The following FBXL20 variants were observed in gnomAD, a reference collection of about 807,000 sequenced individuals.
FBXL20 encodes the protein F-box/LRR-repeat protein 20.
A neutral mutation model predicts 64.0 loss-of-function variants in FBXL20; 11 were observed. The ratio of observed to expected loss-of-function variants is 0.17; its 90% CI spans 0.11 to 0.28. The LOEUF is 0.28. Among genes scored for constraint, FBXL20 ranks in the 10% least tolerant of loss-of-function variants. The pLI, the probability that FBXL20 is intolerant of heterozygous loss-of-function variation, is 1.00. For synonymous variants in FBXL20, 184 were observed against 189.0 expected, an observed-to-expected ratio of 0.97 and a Z score of 0.22; for missense variants, 303 against 526.2, an observed-to-expected ratio of 0.58 and a Z score of 4.15.
rs779719134 is a variant in FBXL20, at chr17:39,282,750, T to C, written c.600A>G (p.Leu200=). 6.2e-7 allele frequency: 1 copy of C among 1,614,158 alleles called. No individual in the cohort carries two copies. Reference sequence around the variant, plus strand: ...TTACCTGCGTGCAGCCTTTTAAGAATAAGGCCTTGAGACCCCCACAGCCCC... The same window carrying C: ...TTACCTGCGTGCAGCCTTTTAAGAACAAGGCCTTGAGACCCCCACAGCCCC... The part of the protein sequence containing the change: ...LVRGCGGLKA[L]FLKGCTQLED... Residue 200 remains leucine, a synonymous_variant, in exon 8 of 15, where the codon TTA becomes TTG. Coordinates refer to ENST00000264658, the MANE Select transcript of FBXL20 (RefSeq NM_032875.3).
Position 39,265,451 on chromosome 17 carries a change from T to A in FBXL20, c.936A>T (p.Ile312=). 1 of 1,603,556 alleles carries A rather than the reference T, an allele frequency of 6.2e-7. No homozygotes were observed. Among genetic ancestry groups the A allele is most frequent in the South Asian group, 1.1e-5 (1 of 90,772 alleles). The stretch of plus-strand genomic sequence containing the variant: ...AAAGTTGGATTAATGTGCTATCTGT[T>A]ATCTGAAAGAAATAACGTATGTTGA... ...EKMDLEECVQ[I]TDSTLIQLSI... The change falls in exon 13 of 15, where the codon ATA becomes ATT. Residue 312 remains isoleucine, a splice_region_variant and synonymous_variant. Transcript: ENST00000264658.
At chr17:39,277,524 A>G (rs888595467) in intron 9 of FBXL20, among the ~76,000 whole-genome samples, 1 of 152,110 alleles carries the variant, frequency 6.6e-6, no homozygotes, top group Non-Finnish European at 1.5e-5. Flanking sequence ...TAGAAGGCTG[A>G]GGTGGGCAGA....
In FBXL20 at chr17:39,298,982, G is replaced by A; in HGVS notation, c.329+8C>T. On this transcript the variant is annotated splice_region_variant and intron_variant, in intron 5 of 14. Transcript: ENST00000264658. ...ATCAAGAAGATTAATCAATAGTTAT[G>A]TTTTTACCTTAATGCATTGTCTCCC... 1.2e-6 allele frequency: 2 copies of A among 1,605,344 alleles called. No homozygotes were observed. The highest frequency in any genetic ancestry group is 1.7e-6 in the Non-Finnish European group (2 of 1,172,906).
At chr17:39,385,498 C>A (rs1245401144) in intron 1 of FBXL20, among the ~76,000 whole-genome samples, 2 of 152,162 alleles carry the variant, frequency 1.3e-5, no homozygotes, top group African/African-American at 4.8e-5. Flanking sequence ...TGAAATTAAA[C>A]CACAGGCCTA....
intron 6 of FBXL20, among the ~76,000 whole-genome samples, chr17:39,295,483 G>C (rs1489845231): frequency 6.6e-6 from 1 of 152,016 alleles, no homozygotes; most frequent in Non-Finnish European, 1.5e-5. Flanking sequence ...TTGAACCCCT[G>C]ACCTCAAGTT....
chr17:39,359,576 C>G (rs911659299), intron 1 of FBXL20, among the ~76,000 whole-genome samples: 3 of 151,914 alleles, frequency 2.0e-5, no homozygotes, highest in African/African-American at 4.8e-5. Context: ...GCACTCCGGC[C>G]TGGGCAACAA....
upstream of FBXL20, chr17:39,402,333 C>G (rs910157716): frequency 1.4e-6 from 1 of 710,020 alleles, no homozygotes. Flanking sequence ...CATTACATTA[C>G]GGGGTGCTGC....
At chr17:39,300,786 T>C (rs530608980) in intron 4 of FBXL20, among the ~76,000 whole-genome samples, 1 of 152,338 alleles carries the variant, frequency 6.6e-6, no homozygotes, top group African/African-American at 2.4e-5. Flanking sequence ...GTCCTAGTAA[T>C]ACTAAGTAAT....
At chr17:39,339,981 C>A (rs555082861) in intron 2 of FBXL20, among the ~76,000 whole-genome samples, 8 of 151,698 alleles carry the variant, frequency 5.3e-5, no homozygotes, top group Non-Finnish European at 7.4e-5. Flanking sequence ...CTTTGTCGCC[C>A]AGGCTGAAGC....
intron 2 of FBXL20, among the ~76,000 whole-genome samples, chr17:39,313,361 G>A (rs921563208): frequency 6.6e-6 from 1 of 151,784 alleles, no homozygotes; most frequent in Non-Finnish European, 1.5e-5. Context: ...AGCCTCCCAA[G>A]TAGCTGGAAT....
chr17:39,354,306 A>C (rs964587812), intron 1 of FBXL20, among the ~76,000 whole-genome samples: 1 of 152,162 alleles, frequency 6.6e-6, no homozygotes, highest in African/African-American at 2.4e-5. Flanking sequence ...TTTTTTGTTC[A>C]TGCTATTTTC....
chr17:39,391,924 A>C (rs1328587332), intron 1 of FBXL20, among the ~76,000 whole-genome samples: 1 of 152,018 alleles, frequency 6.6e-6, no homozygotes, highest in Non-Finnish European at 1.5e-5. Context: ...TGGGTGGATC[A>C]CAAGGCCAGG....
chr17:39,301,735 A>G (rs1254120301), intron 3 of FBXL20, among the ~76,000 whole-genome samples: 2 of 151,968 alleles, frequency 1.3e-5, no homozygotes, highest in Non-Finnish European at 2.9e-5. Context: ...CTGGGGGGGA[A>G]AAATTAAAAA....
intron 6 of FBXL20, among the ~76,000 whole-genome samples, chr17:39,295,459 T>C (rs562936799): frequency 7.2e-5 from 11 of 152,206 alleles, no homozygotes; most frequent in Non-Finnish European, 1.0e-4. Context: ...TTTCACCATG[T>C]TGGCCAGGCT....
chr17:39,299,674 G>A (rs1336501295), intron 4 of FBXL20, among the ~76,000 whole-genome samples: 9 of 152,118 alleles, frequency 5.9e-5, no homozygotes, highest in South Asian at 4.1e-4. Flanking sequence ...CCAGCTACTC[G>A]GGAGGCTGAG....
chr17:39,398,467 T>C (rs2048208743), intron 1 of FBXL20, among the ~76,000 whole-genome samples: 1 of 152,230 alleles, frequency 6.6e-6, no homozygotes, highest in Non-Finnish European at 1.5e-5. Flanking sequence ...TGGTAAGTTT[T>C]AATTGATTAA....
At chr17:39,372,404 A>G (rs1650756214) in intron 1 of FBXL20, among the ~76,000 whole-genome samples, 1 of 149,120 alleles carries the variant, frequency 6.7e-6, no homozygotes, top group African/African-American at 2.5e-5. Context: ...CTGTAGTCCC[A>G]GCTACTTGGG....
chr17:39,321,385 G>A (rs1240427494), intron 2 of FBXL20, among the ~76,000 whole-genome samples: 3 of 150,316 alleles, frequency 2.0e-5, no homozygotes, highest in South Asian at 2.1e-4. Context: ...CCTGGGAGTT[G>A]AACCCAGGAG....
chr17:39,298,965 G>T, intron 5 of FBXL20, 25 bp downstream of exon 5: 4 of 1,571,938 alleles, frequency 2.5e-6, no homozygotes, highest in Non-Finnish European at 3.5e-6. Context: ...CCATCAAGAA[G>T]ATTAATCAAT....
Sources: allele counts gnomAD v4.1 joint callset (sites outside exome capture counted in the v4.1 genomes callset), GRCh38; gene constraint gnomAD v4.1.1; transcripts MANE v1.5; gene names NCBI Gene and HGNC (gene_info 2026-07-23, HGNC 2026-07-21).